NBEA: variants seen among roughly 807,000 people sequenced by gnomAD.
NBEA encodes the protein neurobeachin.
NBEA carries 44 observed loss-of-function variants against 343.4 expected under a neutral mutation model. The ratio of observed to expected loss-of-function variants is 0.13; its 90% CI spans 0.10 to 0.16. The LOEUF (loss-of-function observed/expected upper bound fraction) is 0.16, where lower values mean the gene tolerates loss of function less well. Ranked by LOEUF, NBEA falls within the 10% of genes least tolerant of loss-of-function variation. The pLI is 1.00. For synonymous variants in NBEA, 1,175 were observed against 1,238.7 expected, an observed-to-expected ratio of 0.95 and a Z score of 1.08; for missense variants, 2,555 against 3,631.3, an observed-to-expected ratio of 0.70 and a Z score of 7.62.
chr13:35,426,552 G>A (rs1210013442), intron 38 of NBEA, among the ~76,000 whole-genome samples: 9 of 152,258 alleles, frequency 5.9e-5, no homozygotes, highest in East Asian at 1.9e-4. Flanking sequence ...TGGGTAACCC[G>A]ACCTTTCTCT....
At chr13:35,015,182 C>G (rs907061498) in intron 1 of NBEA, among the ~76,000 whole-genome samples, 16 of 138,482 alleles carry the variant, frequency 1.2e-4, no homozygotes, top group Non-Finnish European at 6.1e-5. Context: ...GGGCCTAGAT[C>G]TCTTTCCATT....
At chr13:35,141,545 G>A (rs1445104535) in intron 17 of NBEA, among the ~76,000 whole-genome samples, 2 of 152,156 alleles carry the variant, frequency 1.3e-5, no homozygotes, top group Non-Finnish European at 2.9e-5. Context: ...GATTACAGGC[G>A]TGAACCACTG....
chr13:35,436,399 A>T (rs1409703236), intron 39 of NBEA, among the ~76,000 whole-genome samples: 5 of 152,168 alleles, frequency 3.3e-5, no homozygotes, highest in Non-Finnish European at 5.9e-5. Flanking sequence ...ACACTATTTC[A>T]ATTTCCCTGT....
chr13:35,054,327 T>A (rs1201555187), intron 6 of NBEA, among the ~76,000 whole-genome samples: 3 of 152,118 alleles, frequency 2.0e-5, no homozygotes, highest in African/African-American at 7.2e-5. Context: ...TCCTTAAATT[T>A]ATTTGACACT....
rs770495500 is a variant in NBEA at position 35,048,557 on chromosome 13, T to G, written c.724-6T>G. On this transcript the variant is annotated splice_region_variant and splice_polypyrimidine_tract_variant and intron_variant, in intron 4 of 58. Transcript: ENST00000379939. The stretch of plus-strand genomic sequence containing the variant: ...TACTTTCGTACCTTTTCTCATTGCC[T>G]TGTAGGCAATTGCCTTGCCTCCTAT... The G allele has an allele frequency of 6.2e-7, 1 of 1,605,794 alleles. No individual in the cohort carries two copies. The highest frequency in any genetic ancestry group is 8.5e-7 in the Non-Finnish European group (1 of 1,175,802).
intron 38 of NBEA, among the ~76,000 whole-genome samples, chr13:35,421,257 T>G (rs1217438462): frequency 6.6e-6 from 1 of 152,026 alleles, no homozygotes; most frequent in Non-Finnish European, 1.5e-5. Context: ...TTATTTATTT[T>G]TTCTGCCTTC....
intron 53 of NBEA, among the ~76,000 whole-genome samples, chr13:35,652,929 C>T (rs1397402542): frequency 6.6e-6 from 1 of 151,524 alleles, no homozygotes; most frequent in Non-Finnish European, 1.5e-5. Flanking sequence ...CTCCTGACCT[C>T]GTGATCTGCC....
At chr13:35,423,396 T>G (rs1265102565) in intron 38 of NBEA, among the ~76,000 whole-genome samples, 1 of 152,222 alleles carries the variant, frequency 6.6e-6, no homozygotes, top group African/African-American at 2.4e-5. Flanking sequence ...GCACCATTTA[T>G]TAAATAGGGA....
At position 35,583,993 on chromosome 13, in the gene NBEA, C is replaced by A. The variant is rs772813169; in HGVS notation, c.7131C>A (p.Thr2377=). The A allele has an allele frequency of 6.2e-7, 1 of 1,613,192 alleles. No homozygotes were observed. Among genetic ancestry groups the A allele is most frequent in the Non-Finnish European group, 8.5e-7 (1 of 1,179,398 alleles). ...AAAGCCCACCCTACCATTATAATACCCATTATTCAACAGCAACATCTACTT... is the reference window on the plus strand; with the variant it reads ...AAAGCCCACCCTACCATTATAATACACATTATTCAACAGCAACATCTACTT... The part of the protein sequence containing the change: ...DDQSPPYHYN[T]HYSTATSTLS... The change falls in exon 46 of 59, where the codon ACC becomes ACA. Residue 2377 remains threonine, a synonymous_variant. Coordinates refer to ENST00000379939, the MANE Select transcript of NBEA (RefSeq NM_001385012.1).
chr13:35,533,843 A>G (rs1437551416), intron 41 of NBEA, among the ~76,000 whole-genome samples: 1 of 152,182 alleles, frequency 6.6e-6, no homozygotes, highest in African/African-American at 2.4e-5. Context: ...GCCACACACT[A>G]TACTGAGCAC....
In NBEA at chr13:35,669,985, A is replaced by G. The variant is rs550908738; in HGVS notation, c.8814-916A>G. On this transcript the variant is annotated intron_variant, in intron 58 of 58. Coordinates refer to ENST00000379939, the MANE Select transcript of NBEA (RefSeq NM_001385012.1). ...GTTGCAGTAGTATTAGGGGGTCTCA[A>G]TGGAGGGGGGAAAGATACTAAGTTT... Among the ~76,000 whole-genome samples, 74 of 151,592 alleles carry G rather than the reference A, an allele frequency of 4.9e-4. 1 individual carries two copies. Among genetic ancestry groups the G allele is most frequent in the South Asian group, 6.4e-4 (3 of 4,714 alleles).
chr13:35,057,453 A>G (rs1231079632), intron 7 of NBEA, among the ~76,000 whole-genome samples: 2 of 152,074 alleles, frequency 1.3e-5, no homozygotes, highest in Non-Finnish European at 2.9e-5. Flanking sequence ...GTTTTTTAAG[A>G]GACGCAAACA....
chr13:35,181,512 T>C (rs1276361952), intron 28 of NBEA, among the ~76,000 whole-genome samples: 1 of 151,692 alleles, frequency 6.6e-6, no homozygotes, highest in Non-Finnish European at 1.5e-5. Flanking sequence ...GGATGAGTTT[T>C]TTTTTTTTGC....
At chr13:35,160,706 G>A (rs559592754) in intron 22 of NBEA, among the ~76,000 whole-genome samples, 8 of 152,186 alleles carry the variant, frequency 5.3e-5, no homozygotes, top group African/African-American at 1.9e-4. Context: ...CTGGTTGTTA[G>A]GAAATGTTAG....
At chr13:34,969,671 G>A (rs2059937616) in intron 1 of NBEA, among the ~76,000 whole-genome samples, 1 of 151,998 alleles carries the variant, frequency 6.6e-6, no homozygotes, top group Admixed American at 6.6e-5. Context: ...GTGTTAGTTT[G>A]CTGAGGATAA....
intron 38 of NBEA, among the ~76,000 whole-genome samples, chr13:35,368,066 G>T (rs2041225899): frequency 1.3e-5 from 2 of 151,402 alleles, no homozygotes; most frequent in South Asian, 4.1e-4. Flanking sequence ...GCTTCCAGGG[G>T]CACTTAAGCG....
At chr13:35,481,133 A>G (rs1320690762) in intron 41 of NBEA, among the ~76,000 whole-genome samples, 3 of 151,948 alleles carry the variant, frequency 2.0e-5, no homozygotes, top group African/African-American at 7.2e-5. Context: ...TCATCACCCT[A>G]GTTCACAATC....
chr13:35,396,441 G>A (rs893298029), intron 38 of NBEA, among the ~76,000 whole-genome samples: 6 of 151,108 alleles, frequency 4.0e-5, no homozygotes, highest in African/African-American at 1.2e-4. Flanking sequence ...ATGTATTTTT[G>A]CAGCATATTT....
At position 35,010,739 on chromosome 13, in the gene NBEA, AAAATATATAT is replaced by A. The variant is rs1158798227; in HGVS notation, c.295-30192_295-30183del. ...ACTGGGTCTCTACAAAAAAAAAAAAAAAATATATATATATATATATATATATATATATATA... is the reference window on the plus strand; with the variant it reads ...ACTGGGTCTCTACAAAAAAAAAAAAAATATATATATATATATATATATATA... On this transcript the variant is annotated intron_variant, in intron 1 of 58. Transcript: ENST00000379939. Among the ~76,000 whole-genome samples the A allele has an allele frequency of 2.0e-3, 69 of 34,166 alleles. 3 individuals carry two copies. The highest frequency in any genetic ancestry group is 3.3e-3 in the Non-Finnish European group (57 of 17,208). The allele number at this position is 34,166 out of a possible 152,430, so 22.4% of individuals were successfully genotyped here. A position where few individuals can be genotyped will look rare whatever the true frequency, so the allele number is the denominator to read the frequency against.
Sources: allele counts gnomAD v4.1 joint callset (sites outside exome capture counted in the v4.1 genomes callset), GRCh38; gene constraint gnomAD v4.1.1; transcripts MANE v1.5; gene names NCBI Gene and HGNC (gene_info 2026-07-23, HGNC 2026-07-21).